TCTN3: variants seen among roughly 807,000 people sequenced by gnomAD.
TCTN3 encodes the protein tectonic-3.
TCTN3 carries 57 observed loss-of-function variants against 71.3 expected under a neutral mutation model. The observed-to-expected ratio is 0.80, with a 90% CI of 0.65 to 1.00. The LOEUF is 1.00. Among genes scored for constraint, TCTN3 ranks in the 50% least tolerant of loss-of-function variants. The pLI, the probability that TCTN3 is intolerant of heterozygous loss-of-function variation, is 0.00. For synonymous variants in TCTN3, 258 were observed against 267.8 expected (o/e 0.96, Z 0.36); for missense variants, 696 against 719.9 (o/e 0.97, Z 0.38).
intron 6 of TCTN3, 105 bp downstream of exon 6, chr10:95,686,939 G>T: frequency 1.0e-6 from 1 of 981,540 alleles, no homozygotes; most frequent in Non-Finnish European, 1.5e-6. Context: ...GGCTCCTGGG[G>T]ATTCTGACTT....
intron 13 of TCTN3, among the ~76,000 whole-genome samples, chr10:95,665,079 T>C (rs953335662): frequency 3.9e-5 from 6 of 152,198 alleles, no homozygotes; most frequent in Admixed American, 2.6e-4. Context: ...AACATAGTTT[T>C]GCCTGGAATA....
At chr10:95,672,582 C>T (rs1277220562) in intron 13 of TCTN3, among the ~76,000 whole-genome samples, 2 of 151,554 alleles carry the variant, frequency 1.3e-5, no homozygotes, top group South Asian at 2.1e-4. Flanking sequence ...GAAGTAGTAG[C>T]GCACGGTTTT....
intron 3 of TCTN3, among the ~76,000 whole-genome samples, chr10:95,688,388 C>CAA (rs1491223727): frequency 2.3e-5 from 1 of 43,790 alleles, no homozygotes; most frequent in Non-Finnish European, 4.0e-5. Flanking sequence ...GAAACTCTGT[C>CAA]AAAAAAAAGA....
At chr10:95,690,290 T>G (rs556495057) in intron 3 of TCTN3, among the ~76,000 whole-genome samples, 1 of 152,150 alleles carries the variant, frequency 6.6e-6, no homozygotes, top group South Asian at 2.1e-4. Context: ...GCTGTACCAA[T>G]AGATACTAAG....
intron 13 of TCTN3, among the ~76,000 whole-genome samples, chr10:95,676,254 CTTTTT>C (rs199882523): frequency 7.3e-6 from 1 of 136,300 alleles, no homozygotes; most frequent in Non-Finnish European, 1.6e-5. Flanking sequence ...TAGAAAATAT[CTTTTT>C]TTTTTTTTTT....
At chr10:95,680,345 T>TG in intron 13 of TCTN3, 127 bp downstream of exon 13, 1 of 1,192,082 alleles carries the variant, frequency 8.4e-7, no homozygotes, top group African/African-American at 2.0e-5. Flanking sequence ...TCAGCTCACT[T>TG]TAAACAAACA....
At chr10:95,678,933 ATCCC>A in intron 13 of TCTN3, among the ~76,000 whole-genome samples, 1 of 152,300 alleles carries the variant, frequency 6.6e-6, no homozygotes, top group South Asian at 2.1e-4. Flanking sequence ...ACCTTTGCAA[ATCCC>A]TCAAATCACA....
chr10:95,671,855 C>T (rs567513103), intron 13 of TCTN3, among the ~76,000 whole-genome samples: 1 of 152,262 alleles, frequency 6.6e-6, no homozygotes, highest in African/African-American at 2.4e-5. Flanking sequence ...CTTGGTCTCC[C>T]AAAGTGCTGG....
At chr10:95,681,729 A>C (rs2097943212) in intron 12 of TCTN3, among the ~76,000 whole-genome samples, 1 of 152,234 alleles carries the variant, frequency 6.6e-6, no homozygotes. Context: ...TATAATTACA[A>C]TAGAAAGAGC....
rs1205722338 is a variant in TCTN3, at chr10:95,663,779, AT to A, written c.*287del. The A allele has an allele frequency of 2.9e-6, 1 of 343,222 alleles. No homozygotes were observed. Among genetic ancestry groups the A allele is most frequent in the Non-Finnish European group, 5.5e-6 (1 of 183,390 alleles). The allele number at this position is 343,222 out of a possible 1,614,324, so 21.3% of individuals were successfully genotyped here. ...TTGTAAACATTCAGCTAGGTGTAACATAACCAGAAAGGCTGAAGGAAGGCTC... is the reference window on the plus strand; with the variant it reads ...TTGTAAACATTCAGCTAGGTGTAACAAACCAGAAAGGCTGAAGGAAGGCTC... On this transcript the variant is annotated 3_prime_UTR_variant, in exon 14 of 14. Transcript: ENST00000371217.
At chr10:95,684,211 G>A (rs905286224) in intron 9 of TCTN3, among the ~76,000 whole-genome samples, 5 of 152,318 alleles carry the variant, frequency 3.3e-5, no homozygotes, top group African/African-American at 1.2e-4. Flanking sequence ...GGTGTTGGCT[G>A]AATTTATGAT....
chr10:95,688,415 A>AAAAAAAAAAAAAAAAAAAAAAG (rs2097950679), intron 3 of TCTN3, among the ~76,000 whole-genome samples: 1 of 124,038 alleles, frequency 8.1e-6, no homozygotes, highest in African/African-American at 3.1e-5. Flanking sequence ...AAAAAAAAAA[A>AAAAAAAAAAAAAAAAAAAAAAG]AAAGAAAAAA....
intron 4 of TCTN3, 23 bp downstream of exon 4, chr10:95,687,569 C>A: frequency 6.2e-7 from 1 of 1,611,260 alleles, no homozygotes; most frequent in Non-Finnish European, 8.5e-7. Context: ...ACCAAACAAT[C>A]CCATCCCCTT....
At chr10:95,684,050 T>A (rs1327852134) in intron 9 of TCTN3, among the ~76,000 whole-genome samples, 4 of 151,862 alleles carry the variant, frequency 2.6e-5, no homozygotes, top group African/African-American at 7.3e-5. Flanking sequence ...GAGGGTAGAG[T>A]TGAGAAAATC....
chr10:95,664,283 T>G lies in TCTN3; in HGVS notation c.1608A>C (p.Thr536=), dbSNP rs1566062750. The G allele has an allele frequency of 6.2e-7, 1 of 1,613,858 alleles. No homozygotes were observed. The highest frequency in any genetic ancestry group is 1.3e-5 in the African/African-American group (1 of 74,946). The change falls in exon 14 of 14, where the codon ACA becomes ACC. Residue 536 remains threonine (T), a synonymous_variant. Transcript: ENST00000371217. ...TCACAAGAGTTGTCAAAGATACTTC[T>G]GTAACTTGCTGAGAATCCTACGGGA... ...CQSIQDSQQV[T]EVSLTTLVNF...
intron 3 of TCTN3, among the ~76,000 whole-genome samples, chr10:95,692,305 A>G (rs1164574249): frequency 6.6e-6 from 1 of 152,158 alleles, no homozygotes; most frequent in Non-Finnish European, 1.5e-5. Context: ...CAAGAGATCA[A>G]GACCATCCTG....
intron 13 of TCTN3, among the ~76,000 whole-genome samples, chr10:95,667,789 T>G (rs2097927060): frequency 6.6e-6 from 1 of 152,166 alleles, no homozygotes; most frequent in Non-Finnish European, 1.5e-5. Flanking sequence ...AAATTAACAG[T>G]TCCAGCAAAG....
chr10:95,679,693 G>A (rs6584013), intron 13 of TCTN3, among the ~76,000 whole-genome samples: 53,056 of 144,770 alleles, frequency 0.37, 10,051 homozygotes, highest in East Asian at 0.71. Flanking sequence ...TCGGGTTCAC[G>A]CCATTCTCCT....
intron 11 of TCTN3, 100 bp downstream of exon 11, chr10:95,683,001 C>A: frequency 7.6e-7 from 1 of 1,313,374 alleles, no homozygotes; most frequent in Non-Finnish European, 1.1e-6. Flanking sequence ...TCCTGACTAG[C>A]ATTTTCCGAA....
Sources: gnomAD v4.1 joint callset for allele counts (sites outside exome capture counted in the v4.1 genomes callset) on GRCh38, gnomAD v4.1.1 for gene constraint, MANE v1.5 for transcripts, NCBI Gene and HGNC (gene_info 2026-07-23, HGNC 2026-07-21) for gene names.